Variants in PPARGC1A observed in about 807,000 individuals in gnomAD.
The protein encoded by PPARGC1A is PPARG coactivator 1 alpha.
In PPARGC1A, 25 loss-of-function variants were observed where a neutral mutation model predicts 88.7. The ratio of observed to expected loss-of-function variants is 0.28; its 90% CI spans 0.21 to 0.39. The LOEUF (loss-of-function observed/expected upper bound fraction) is 0.39, where lower values mean the gene tolerates loss of function less well. Ranked by LOEUF, PPARGC1A falls within the 10% of genes least tolerant of loss-of-function variation. PPARGC1A has a pLI of 1.00. For missense variants in PPARGC1A, 880 were observed against 968.7 expected, an observed-to-expected ratio of 0.91 and a Z score of 1.22; for synonymous variants, 363 against 355.6, an observed-to-expected ratio of 1.02 and a Z score of -0.24.
At chr4:24,306,114 C>T in the PPARGC1A span, among the ~76,000 whole-genome samples, 2 of 152,206 alleles carry the variant, frequency 1.3e-5, no homozygotes, top group Admixed American at 6.5e-5. Flanking sequence ...GAGCAGATTC[C>T]GGATGCACAA....
chr4:24,170,226 C>T, the PPARGC1A span, among the ~76,000 whole-genome samples: 1 of 152,116 alleles, frequency 6.6e-6, no homozygotes, highest in African/African-American at 2.4e-5. Flanking sequence ...GTTAGTCCCT[C>T]ACAGTTGGGG....
the PPARGC1A span, among the ~76,000 whole-genome samples, chr4:24,282,822 C>T: frequency 1.3e-5 from 2 of 152,176 alleles, no homozygotes; most frequent in Non-Finnish European, 2.9e-5. Flanking sequence ...GATTATTTTT[C>T]TTCCATACAC....
the PPARGC1A span, among the ~76,000 whole-genome samples, chr4:24,139,676 G>C: frequency 6.6e-6 from 1 of 152,084 alleles, no homozygotes. Context: ...AAGGATTCTT[G>C]ACTGTGCATG....
chr4:23,983,438 C>T, the PPARGC1A span, among the ~76,000 whole-genome samples: 4 of 152,102 alleles, frequency 2.6e-5, no homozygotes, highest in Non-Finnish European at 5.9e-5. Flanking sequence ...AGGGCAGCAA[C>T]AACTCATGCT....
chr4:24,385,115 T>G, the PPARGC1A span, among the ~76,000 whole-genome samples: 1 of 152,044 alleles, frequency 6.6e-6, no homozygotes, highest in East Asian at 1.9e-4. Flanking sequence ...ACATGGAAAC[T>G]GAACAACCTG....
the PPARGC1A span, among the ~76,000 whole-genome samples, chr4:23,985,207 T>G: frequency 6.6e-6 from 1 of 152,016 alleles, no homozygotes; most frequent in East Asian, 1.9e-4. Flanking sequence ...AATGGGAAAT[T>G]GTAAATTCTA....
the PPARGC1A span, among the ~76,000 whole-genome samples, chr4:24,405,677 G>C: frequency 6.6e-6 from 1 of 152,126 alleles, no homozygotes; most frequent in East Asian, 1.9e-4. Context: ...ATCCCAAGGT[G>C]AGAATGGATC....
chr4:24,018,267 T>G, the PPARGC1A span, among the ~76,000 whole-genome samples: 1 of 152,208 alleles, frequency 6.6e-6, no homozygotes, highest in Non-Finnish European at 1.5e-5. Context: ...CAGTTCTTCT[T>G]GCTTTTTCTC....
the PPARGC1A span, among the ~76,000 whole-genome samples, chr4:24,173,329 T>C: frequency 8.5e-6 from 1 of 117,814 alleles, no homozygotes; most frequent in Admixed American, 1.1e-4. Flanking sequence ...AAATAAGTCC[T>C]TTCCCCACCA....
chr4:23,997,988 A>G, the PPARGC1A span, among the ~76,000 whole-genome samples: 3 of 152,182 alleles, frequency 2.0e-5, no homozygotes, highest in African/African-American at 7.2e-5. Flanking sequence ...ATAATGTAGG[A>G]TTCATTAAGG....
chr4:23,982,778 G>GT, the PPARGC1A span, among the ~76,000 whole-genome samples: 1 of 152,146 alleles, frequency 6.6e-6, no homozygotes, highest in African/African-American at 2.4e-5. Flanking sequence ...CATGGAGAGA[G>GT]TTGTAAAGAT....
chr4:23,848,496 T>C (rs980734887), intron 2 of PPARGC1A, among the ~76,000 whole-genome samples: 2 of 152,178 alleles, frequency 1.3e-5, no homozygotes, highest in Non-Finnish European at 2.9e-5. Flanking sequence ...TAGCCAGCTG[T>C]AATCTCTTCA....
At chr4:23,851,705 A>G (rs1729326694) in intron 2 of PPARGC1A, among the ~76,000 whole-genome samples, 2 of 152,176 alleles carry the variant, frequency 1.3e-5, no homozygotes, top group African/African-American at 4.8e-5. Context: ...TACCATATTA[A>G]CTGCTCTGTT....
upstream of PPARGC1A, among the ~76,000 whole-genome samples, chr4:23,890,548 G>T (rs1209730062): frequency 1.4e-5 from 2 of 147,982 alleles, no homozygotes; most frequent in Non-Finnish European, 3.0e-5. Flanking sequence ...ATCACATGAT[G>T]CATTTTTATG....
the PPARGC1A span, among the ~76,000 whole-genome samples, chr4:24,256,710 G>A: frequency 1.6e-4 from 25 of 152,104 alleles, no homozygotes; most frequent in Admixed American, 4.6e-4. Flanking sequence ...CCTGTCAATC[G>A]TCTGCACCTC....
the PPARGC1A span, among the ~76,000 whole-genome samples, chr4:24,427,584 G>C: frequency 1.3e-5 from 2 of 152,154 alleles, no homozygotes; most frequent in Admixed American, 1.3e-4. Context: ...AGAGCCAGTG[G>C]AGACCTGCCC....
chr4:24,110,809 A>G, the PPARGC1A span, among the ~76,000 whole-genome samples: 417 of 152,278 alleles, frequency 2.7e-3, 5 homozygotes, highest in East Asian at 0.051. Context: ...TATACGTTGT[A>G]TCTATCTTCA....
chr4:24,104,151 T>C, the PPARGC1A span, among the ~76,000 whole-genome samples: 1 of 152,242 alleles, frequency 6.6e-6, no homozygotes, highest in African/African-American at 2.4e-5. Flanking sequence ...GCTTTCTTCC[T>C]AGTTGAGTTC....
chr4:23,844,302 G>A (rs1471182843), intron 2 of PPARGC1A, among the ~76,000 whole-genome samples: 1 of 52,102 alleles, frequency 1.9e-5, no homozygotes, highest in African/African-American at 9.0e-5. Flanking sequence ...ATGTGTACAT[G>A]ACAACATATT....
Sources: gnomAD v4.1 joint callset for allele counts (sites outside exome capture counted in the v4.1 genomes callset) on GRCh38, gnomAD v4.1.1 for gene constraint, MANE v1.5 for transcripts, NCBI Gene and HGNC (gene_info 2026-07-23, HGNC 2026-07-21) for gene names.